Variants in HS3ST5 observed in about 807,000 individuals in gnomAD.
HS3ST5 encodes heparan sulfate glucosamine 3-O-sulfotransferase 5.
A neutral mutation model predicts 25.4 loss-of-function variants in HS3ST5; 10 were observed. The ratio of observed to expected loss-of-function variants is 0.39; its 90% confidence interval spans 0.24 to 0.67. HS3ST5 has a LOEUF of 0.67. Ranked by LOEUF, HS3ST5 falls within the 30% of genes least tolerant of loss-of-function variation. The probability of loss-of-function intolerance (pLI) is 0.44; values close to 1 mark genes in which losing one functional copy is unlikely to be tolerated. For missense variants in HS3ST5, 324 were observed against 420.7 expected, an observed-to-expected ratio of 0.77 and a Z score of 2.01; for synonymous variants, 170 against 162.4, an observed-to-expected ratio of 1.05 and a Z score of -0.36.
intron 2 of HS3ST5, among the ~76,000 whole-genome samples, chr6:114,223,646 A>G (rs897059715): frequency 4.6e-5 from 7 of 151,724 alleles, no homozygotes; most frequent in African/African-American, 1.7e-4. Flanking sequence ...TTCAAATCAA[A>G]AAAGTTTTAT....
chr6:114,072,998 C>T (rs1208292651), intron 3 of HS3ST5, among the ~76,000 whole-genome samples: 1 of 152,100 alleles, frequency 6.6e-6, no homozygotes, highest in Non-Finnish European at 1.5e-5. Flanking sequence ...CACACATCTA[C>T]AACCATCTGA....
At chr6:114,157,770 G>A (rs928330481) in intron 3 of HS3ST5, among the ~76,000 whole-genome samples, 1 of 152,014 alleles carries the variant, frequency 6.6e-6, no homozygotes, top group East Asian at 1.9e-4. Context: ...ATTACCCTCA[G>A]GATAAAGTCC....
chr6:114,247,941 T>G (rs936342675), intron 1 of HS3ST5, among the ~76,000 whole-genome samples: 1 of 151,906 alleles, frequency 6.6e-6, no homozygotes. Context: ...GGCTCACACC[T>G]ATAATCCCAG....
intron 2 of HS3ST5, among the ~76,000 whole-genome samples, chr6:114,184,753 G>A: frequency 6.6e-6 from 1 of 152,240 alleles, no homozygotes; most frequent in East Asian, 1.9e-4. Context: ...TACCCCGGTG[G>A]GGCCGAAAGG....
At chr6:114,336,984 C>T (rs1048490708) in intron 1 of HS3ST5, among the ~76,000 whole-genome samples, 9 of 152,096 alleles carry the variant, frequency 5.9e-5, no homozygotes, top group Non-Finnish European at 1.3e-4. Context: ...GCCTTGTATG[C>T]CTTTTTAAAA....
intron 1 of HS3ST5, among the ~76,000 whole-genome samples, chr6:114,332,092 A>G (rs1776421150): frequency 6.6e-6 from 1 of 152,190 alleles, no homozygotes; most frequent in Non-Finnish European, 1.5e-5. Context: ...GAAAATGAAA[A>G]TAAAAATGGC....
At chr6:114,204,202 C>G (rs1781160893) in intron 2 of HS3ST5, among the ~76,000 whole-genome samples, 1 of 152,090 alleles carries the variant, frequency 6.6e-6, no homozygotes, top group Non-Finnish European at 1.5e-5. Context: ...AACAATTGTT[C>G]CTTTTCATAG....
intron 1 of HS3ST5, among the ~76,000 whole-genome samples, chr6:114,271,119 A>T (rs1773621639): frequency 6.6e-6 from 1 of 152,084 alleles, no homozygotes; most frequent in African/African-American, 2.4e-5. Context: ...TTAACTAATA[A>T]TAGGAGAAAG....
intron 3 of HS3ST5, among the ~76,000 whole-genome samples, chr6:114,079,068 G>A (rs1177915826): frequency 6.6e-6 from 1 of 152,208 alleles, no homozygotes; most frequent in Non-Finnish European, 1.5e-5. Context: ...TGGGCCTTCG[G>A]TGAGTTGTAA....
At chr6:114,103,330 C>T (rs575329871) in intron 3 of HS3ST5, among the ~76,000 whole-genome samples, 2 of 151,724 alleles carry the variant, frequency 1.3e-5, no homozygotes, top group East Asian at 3.9e-4. Flanking sequence ...GACCTTGACT[C>T]TTAAAAGCTT....
At chr6:114,147,762 G>A (rs1778241052) in intron 3 of HS3ST5, among the ~76,000 whole-genome samples, 1 of 152,060 alleles carries the variant, frequency 6.6e-6, no homozygotes, top group African/African-American at 2.4e-5. Context: ...TGTATTTTTA[G>A]TAGAGACAGG....
At chr6:114,088,849 CA>C (rs1327455982) in intron 3 of HS3ST5, 1 of 151,946 alleles carries the variant, frequency 6.6e-6, no homozygotes, top group Non-Finnish European at 1.5e-5. Context: ...GGATAAAGAA[CA>C]AAAATCTTCA....
intron 1 of HS3ST5, among the ~76,000 whole-genome samples, chr6:114,290,254 T>C (rs928016423): frequency 6.6e-6 from 1 of 152,116 alleles, no homozygotes; most frequent in African/African-American, 2.4e-5. Flanking sequence ...TGAATCAGCT[T>C]TGAAAAGTGT....
intron 3 of HS3ST5, among the ~76,000 whole-genome samples, chr6:114,082,278 A>G (rs892744774): frequency 6.6e-6 from 1 of 152,234 alleles, no homozygotes; most frequent in African/African-American, 2.4e-5. Context: ...ATATCATCCT[A>G]ATGATCAGCT....
At position 114,328,784 on chromosome 6, in the gene HS3ST5, C is replaced by A. The variant is rs77537840; in HGVS notation, c.-339+13411G>T. On this transcript the variant is annotated intron_variant, in intron 1 of 4. Transcript: ENST00000312719. The stretch of plus-strand genomic sequence containing the variant: ...GTGTAATCTATTTTAGGGAACTCTA[C>A]TTTGAATGATAAAAGATGGGCTTGA... Among the ~76,000 whole-genome samples the A allele has an allele frequency of 2.0e-4, 30 of 152,274 alleles. No homozygotes were observed. The East Asian group carries it at 5.8e-3, about 29-fold the overall frequency.
intron 2 of HS3ST5, among the ~76,000 whole-genome samples, chr6:114,181,228 T>C (rs1483880688): frequency 6.6e-6 from 1 of 152,204 alleles, no homozygotes; most frequent in Non-Finnish European, 1.5e-5. Context: ...TTGAATCCGA[T>C]CCCTCTTTCT....
At chr6:114,068,773 G>C (rs1773615623) in intron 3 of HS3ST5, among the ~76,000 whole-genome samples, 1 of 152,026 alleles carries the variant, frequency 6.6e-6, no homozygotes, top group Non-Finnish European at 1.5e-5. Context: ...AAAAATGCTT[G>C]AAGACCTACA....
At chr6:114,186,360 T>G (rs890969972) in intron 2 of HS3ST5, among the ~76,000 whole-genome samples, 1 of 152,056 alleles carries the variant, frequency 6.6e-6, no homozygotes, top group Admixed American at 6.5e-5. Context: ...GGTGAACTCA[T>G]GAATAATAAG....
intron 3 of HS3ST5, among the ~76,000 whole-genome samples, chr6:114,090,463 T>A (rs1388903522): frequency 6.6e-6 from 1 of 152,162 alleles, no homozygotes; most frequent in Non-Finnish European, 1.5e-5. Flanking sequence ...TCTCTGTCCT[T>A]CTTTCTTCTT....
Sources: allele counts gnomAD v4.1 joint callset (sites outside exome capture counted in the v4.1 genomes callset), GRCh38; gene constraint gnomAD v4.1.1; transcripts MANE v1.5; gene names NCBI Gene and HGNC (gene_info 2026-07-23, HGNC 2026-07-21).